Variants in SNX24 observed in about 807,000 individuals in gnomAD.
SNX24 encodes sorting nexin 24, also known as sorting nexin-24.
SNX24 carries 22 observed loss-of-function variants against 28.7 expected under a neutral mutation model. That is an observed-to-expected ratio of 0.77 (90% CI 0.55 to 1.10). SNX24 has a LOEUF of 1.10. Ranked by LOEUF, SNX24 falls within the 50% of genes least tolerant of loss-of-function variation. The probability of loss-of-function intolerance (pLI) is 0.00; values close to 1 mark genes in which losing one functional copy is unlikely to be tolerated. For synonymous variants in SNX24, 69 were observed against 71.5 expected (o/e 0.96, Z 0.18); for missense variants, 221 against 201.1 (o/e 1.10, Z -0.60).
At chr5:122,893,840 C>T (rs1256721904) in intron 1 of SNX24, among the ~76,000 whole-genome samples, 2 of 152,202 alleles carry the variant, frequency 1.3e-5, no homozygotes, top group East Asian at 1.9e-4. Context: ...TTCAGGAGTT[C>T]GAGACCAGCC....
At chr5:122,958,684 T>C (rs912928267) in intron 3 of SNX24, among the ~76,000 whole-genome samples, 3 of 151,798 alleles carry the variant, frequency 2.0e-5, no homozygotes, top group Non-Finnish European at 4.4e-5. Flanking sequence ...AAACCCTACT[T>C]GGTCATACTT....
At chr5:122,976,041 A>T (rs906307469) in intron 3 of SNX24, among the ~76,000 whole-genome samples, 2 of 152,168 alleles carry the variant, frequency 1.3e-5, no homozygotes, top group Admixed American at 1.3e-4. Context: ...GGATTTGGTT[A>T]AAAATGTATT....
At chr5:122,983,195 C>T (rs1581831217) in intron 3 of SNX24, 3 of 144,794 alleles carry the variant, frequency 2.1e-5, no homozygotes, top group African/African-American at 2.6e-5. Context: ...ATTTTTCAGC[C>T]TTTTTTTTTT....
intron 3 of SNX24, among the ~76,000 whole-genome samples, chr5:122,947,328 T>C (rs1227057455): frequency 6.6e-6 from 1 of 151,992 alleles, no homozygotes; most frequent in African/African-American, 2.4e-5. Context: ...GATGAGAAGA[T>C]GAGGGGAGGC....
At chr5:122,940,350 A>T (rs1759385827) in intron 2 of SNX24, among the ~76,000 whole-genome samples, 1 of 152,100 alleles carries the variant, frequency 6.6e-6, no homozygotes, top group Admixed American at 6.6e-5. Context: ...ACTATATATC[A>T]GTATTACTTT....
downstream of SNX24, among the ~76,000 whole-genome samples, chr5:123,010,314 G>A (rs766084206): frequency 1.3e-5 from 2 of 150,356 alleles, no homozygotes; most frequent in African/African-American, 2.4e-5. Flanking sequence ...TTTTGAAGAC[G>A]GAGTCTTGCT....
At chr5:122,871,598 G>A (rs1041159801) in intron 1 of SNX24, among the ~76,000 whole-genome samples, 2 of 151,952 alleles carry the variant, frequency 1.3e-5, no homozygotes, top group South Asian at 2.1e-4. Context: ...TGAAACCCCC[G>A]TCTCTACTAA....
At chr5:122,863,528 C>CTT (rs112338350) in intron 1 of SNX24, among the ~76,000 whole-genome samples, 24 of 143,568 alleles carry the variant, frequency 1.7e-4, no homozygotes, top group South Asian at 8.9e-4. Context: ...TTTCTTTTTT[C>CTT]TTTTTTTTTT....
downstream of SNX24, among the ~76,000 whole-genome samples, chr5:123,010,686 C>T (rs1027330939): frequency 6.6e-6 from 1 of 152,084 alleles, no homozygotes; most frequent in Non-Finnish European, 1.5e-5. Context: ...CTCCTAATAC[C>T]GAATTCCCGT....
At chr5:122,937,291 A>G (rs1475992437) in intron 2 of SNX24, among the ~76,000 whole-genome samples, 9 of 152,224 alleles carry the variant, frequency 5.9e-5, no homozygotes, top group African/African-American at 2.2e-4. Flanking sequence ...ATTCAAAGAC[A>G]GGGGAACACA....
At chr5:122,860,266 T>G (rs1001691558) in intron 1 of SNX24, among the ~76,000 whole-genome samples, 1 of 152,070 alleles carries the variant, frequency 6.6e-6, no homozygotes, top group Non-Finnish European at 1.5e-5. Context: ...CAGGGTTAAA[T>G]AAAACCCATC....
chr5:122,848,439 C>G (rs1267466922), intron 1 of SNX24, among the ~76,000 whole-genome samples: 2 of 151,498 alleles, frequency 1.3e-5, no homozygotes, highest in Non-Finnish European at 2.9e-5. Flanking sequence ...CGTGGTGGCT[C>G]ATGCCTGTAA....
intron 5 of SNX24, among the ~76,000 whole-genome samples, chr5:123,017,597 C>T (rs565058430): frequency 1.2e-4 from 18 of 152,146 alleles, no homozygotes; most frequent in Admixed American, 2.0e-4. Flanking sequence ...TGTCCCCACC[C>T]AAATCTCATC....
intron 3 of SNX24, among the ~76,000 whole-genome samples, chr5:122,970,546 G>A (rs1336618361): frequency 6.6e-6 from 1 of 152,128 alleles, no homozygotes; most frequent in African/African-American, 2.4e-5. Flanking sequence ...TTGGCTCACT[G>A]CAAGCCCCGC....
intron 1 of SNX24, among the ~76,000 whole-genome samples, chr5:122,900,692 C>CT (rs1258815969): frequency 6.6e-6 from 1 of 152,096 alleles, no homozygotes; most frequent in African/African-American, 2.4e-5. Flanking sequence ...TTGCTTCAGA[C>CT]TGGGAGGTCA....
At chr5:122,861,325 G>C (rs1755452132) in intron 1 of SNX24, among the ~76,000 whole-genome samples, 1 of 152,154 alleles carries the variant, frequency 6.6e-6, no homozygotes, top group Admixed American at 6.5e-5. Context: ...GGGTGACAGA[G>C]CGAGACTTTG....
chr5:122,855,939 A>G (rs866581237), intron 1 of SNX24, among the ~76,000 whole-genome samples: 3 of 152,118 alleles, frequency 2.0e-5, no homozygotes. Context: ...AACACACAAC[A>G]TTTGTCAGTT....
At chr5:122,996,391 G>A (rs1196785395) in intron 3 of SNX24, among the ~76,000 whole-genome samples, 1 of 152,136 alleles carries the variant, frequency 6.6e-6, no homozygotes, top group Non-Finnish European at 1.5e-5. Context: ...GGGCTGTCAG[G>A]GGTCTGCAAA....
At chr5:122,854,541 A>T (rs960149312) in intron 1 of SNX24, among the ~76,000 whole-genome samples, 1 of 151,136 alleles carries the variant, frequency 6.6e-6, no homozygotes, top group Non-Finnish European at 1.5e-5. Context: ...AAAAAAAAAC[A>T]TAGTGTTACT....
Sources: allele counts gnomAD v4.1 joint callset (sites outside exome capture counted in the v4.1 genomes callset), GRCh38; gene constraint gnomAD v4.1.1; transcripts MANE v1.5; gene names NCBI Gene and HGNC (gene_info 2026-07-23, HGNC 2026-07-21).